Variants in CTNNA3 observed in about 807,000 individuals in gnomAD.
CTNNA3 encodes catenin alpha-3.
CTNNA3 carries 76 observed loss-of-function variants against 95.7 expected under a neutral mutation model. The ratio of observed to expected loss-of-function variants is 0.79; its 90% CI spans 0.66 to 0.96. CTNNA3 has a LOEUF of 0.96. Ranked by LOEUF, CTNNA3 falls within the 40% of genes least tolerant of loss-of-function variation. CTNNA3 has a pLI of 0.00. For synonymous variants in CTNNA3, 431 were observed against 374.4 expected (o/e 1.15, Z -1.74); for missense variants, 1,191 against 1,089.8 (o/e 1.09, Z -1.31).
chr10:66,000,819 C>T (rs2078756315), intron 15 of CTNNA3, among the ~76,000 whole-genome samples: 1 of 152,082 alleles, frequency 6.6e-6, no homozygotes, highest in Non-Finnish European at 1.5e-5. Flanking sequence ...GACGAACAGA[C>T]AAGTTAAACG....
At chr10:67,642,008 A>G (rs1839552321) in intron 2 of CTNNA3, among the ~76,000 whole-genome samples, 1 of 152,190 alleles carries the variant, frequency 6.6e-6, no homozygotes, top group African/African-American at 2.4e-5. Flanking sequence ...AAAGCAAATA[A>G]AAAAACAATA....
intron 7 of CTNNA3, among the ~76,000 whole-genome samples, chr10:66,794,188 C>T (rs938912968): frequency 1.3e-5 from 2 of 152,078 alleles, no homozygotes; most frequent in African/African-American, 4.8e-5. Flanking sequence ...CCACAAAACT[C>T]GAGTAAGATG....
intron 15 of CTNNA3, among the ~76,000 whole-genome samples, chr10:66,060,887 C>A (rs1222958104): frequency 6.6e-6 from 1 of 152,084 alleles, no homozygotes; most frequent in East Asian, 1.9e-4. Flanking sequence ...CCAGTCACCC[C>A]ATCCTCTACC....
At chr10:67,587,192 CTTGTGTGT>C (rs1191517343) in intron 3 of CTNNA3, among the ~76,000 whole-genome samples, 5 of 81,530 alleles carry the variant, frequency 6.1e-5, no homozygotes, top group African/African-American at 1.6e-4. Context: ...ACCCAGCTAA[CTTGTGTGT>C]GTGTGTGTGT....
rs533539045 is a variant in CTNNA3 at position 67,734,383 on chromosome 10, T to G, written c.-2+29051A>C. Among the ~76,000 whole-genome samples the G allele has an allele frequency of 5.8e-4, 89 of 152,212 alleles. 2 individuals are homozygous for G. In the South Asian group the frequency reaches 0.016, roughly 27 times the overall value. On this transcript the variant is annotated intron_variant, in intron 1 of 17. Transcript: ENST00000684154. Reference sequence around the variant, plus strand: ...GAATTCAAGTCAAATATATAAAAATTTATTCAGTGACTACCAGGCAAGGCT... The same window carrying G: ...GAATTCAAGTCAAATATATAAAAATGTATTCAGTGACTACCAGGCAAGGCT...
chr10:67,263,606 C>T (rs1589103986), intron 5 of CTNNA3, among the ~76,000 whole-genome samples: 1 of 152,146 alleles, frequency 6.6e-6, no homozygotes, highest in Non-Finnish European at 1.5e-5. Flanking sequence ...CTCCAGCCTC[C>T]CTGCTTCATC....
intron 7 of CTNNA3, among the ~76,000 whole-genome samples, chr10:66,836,237 C>T (rs911303639): frequency 6.6e-6 from 1 of 152,114 alleles, no homozygotes; most frequent in African/African-American, 2.4e-5. Flanking sequence ...TGTAGCCACT[C>T]CACATTTCTC....
At chr10:66,452,252 C>CAT in intron 11 of CTNNA3, among the ~76,000 whole-genome samples, 1 of 152,202 alleles carries the variant, frequency 6.6e-6, no homozygotes, top group Admixed American at 6.5e-5. Context: ...TATATTATTT[C>CAT]GTGTACTGTA....
chr10:67,589,622 T>A (rs969346257), intron 3 of CTNNA3, among the ~76,000 whole-genome samples: 2 of 152,112 alleles, frequency 1.3e-5, no homozygotes, highest in African/African-American at 4.8e-5. Context: ...ATTCCACTAT[T>A]TTTTCCTGTT....
At chr10:67,264,275 A>G (rs918676868) in intron 5 of CTNNA3, among the ~76,000 whole-genome samples, 14 of 152,138 alleles carry the variant, frequency 9.2e-5, no homozygotes. Flanking sequence ...GATTCAAACT[A>G]AAGCCTGCCA....
At chr10:66,619,535 G>C (rs1473750785) in intron 10 of CTNNA3, among the ~76,000 whole-genome samples, 1 of 98,784 alleles carries the variant, frequency 1.0e-5, no homozygotes, top group Admixed American at 1.4e-4. Flanking sequence ...ACACAGGAAG[G>C]GGAACATCAC....
intron 16 of CTNNA3, among the ~76,000 whole-genome samples, chr10:65,971,289 C>T (rs1343660999): frequency 6.7e-6 from 1 of 148,534 alleles, no homozygotes; most frequent in Admixed American, 6.7e-5. Flanking sequence ...CAAAAGTTAG[C>T]AGAGGAAAAG....
intron 17 of CTNNA3, among the ~76,000 whole-genome samples, chr10:65,966,268 C>T (rs2077963584): frequency 6.6e-6 from 1 of 152,104 alleles, no homozygotes; most frequent in African/African-American, 2.4e-5. Context: ...ATTCCACATG[C>T]ATTTATTTTA....
At chr10:66,373,134 T>A (rs1035528182) in intron 12 of CTNNA3, among the ~76,000 whole-genome samples, 87 of 152,176 alleles carry the variant, frequency 5.7e-4, no homozygotes, top group African/African-American at 2.0e-3. Flanking sequence ...TTTAGATTAC[T>A]CCATGTACCA....
At chr10:67,188,275 T>C (rs549140302) in intron 6 of CTNNA3, among the ~76,000 whole-genome samples, 1 of 152,266 alleles carries the variant, frequency 6.6e-6, no homozygotes, top group South Asian at 2.1e-4. Context: ...ATGAGCCAAT[T>C]GCTTGAGCCC....
chr10:66,596,408 G>A (rs574183227), intron 10 of CTNNA3, among the ~76,000 whole-genome samples: 6 of 152,250 alleles, frequency 3.9e-5, no homozygotes, highest in Admixed American at 1.3e-4. Context: ...AAGACAGCAT[G>A]TGCAAGCTCC....
At chr10:66,533,968 C>T (rs530321417) in intron 10 of CTNNA3, among the ~76,000 whole-genome samples, 1 of 152,154 alleles carries the variant, frequency 6.6e-6, no homozygotes, top group African/African-American at 2.4e-5. Context: ...ACTCTGCAGT[C>T]ACAAAAAATA....
intron 9 of CTNNA3, among the ~76,000 whole-genome samples, chr10:66,746,981 C>A: frequency 6.6e-6 from 1 of 151,302 alleles, no homozygotes. Flanking sequence ...GATTTTTAGT[C>A]AGTAATGTCA....
chr10:66,265,857 C>T (rs2091135693), intron 13 of CTNNA3, among the ~76,000 whole-genome samples: 1 of 151,942 alleles, frequency 6.6e-6, no homozygotes, highest in Non-Finnish European at 1.5e-5. Flanking sequence ...TTCTTTACTC[C>T]CTGTCTCTTT....
Sources: allele counts gnomAD v4.1 joint callset (sites outside exome capture counted in the v4.1 genomes callset), GRCh38; gene constraint gnomAD v4.1.1; transcripts MANE v1.5; gene names NCBI Gene and HGNC (gene_info 2026-07-23, HGNC 2026-07-21).